C12orf71: variants seen among roughly 807,000 people sequenced by gnomAD.
C12orf71 encodes uncharacterized protein C12orf71.
A neutral mutation model predicts 11.7 loss-of-function variants in C12orf71; 10 were observed. That is an observed-to-expected ratio of 0.86 (90% CI 0.53 to 1.45). The LOEUF is 1.45. C12orf71 is among the 40% of genes most tolerant of loss of function. C12orf71 has a pLI of 0.00. For missense variants in C12orf71, 293 were observed against 325.8 expected, an observed-to-expected ratio of 0.90 and a Z score of 0.78; for synonymous variants, 110 against 123.4, an observed-to-expected ratio of 0.89 and a Z score of 0.72.
chr12:27,082,187 A>G lies in C12orf71; in HGVS notation c.297T>C (p.Asp99=), dbSNP rs761211082. ...FLAWDVDIGS[D]NTDSRANRLL... ...GCCTATTAGCTCTTGAGTCTGTGTT[A>G]TCGGAGCCAATGTCCACGTCCCAGG... The change falls in exon 1 of 2, where the codon GAT becomes GAC. Residue 99 remains aspartate (D), a synonymous_variant. Coordinates refer to ENST00000429849, the MANE Select transcript of C12orf71 (RefSeq NM_001080406.2). The G allele has an allele frequency of 3.1e-6, 5 of 1,613,874 alleles. No homozygotes were observed. Among genetic ancestry groups the G allele is most frequent in the Middle Eastern group, 1.6e-4 (1 of 6,084 alleles).
rs545735885 is a variant in C12orf71 at position 27,081,105 on chromosome 12, T to A, written c.*69A>T. On this transcript the variant is annotated 3_prime_UTR_variant, in exon 2 of 2. Transcript: ENST00000429849. Reference sequence around the variant, plus strand: ...TTTGTTTATTGAGGAAAAAACAAACTGATGGGGATTATTAATGGAATCCTT... The same window carrying A: ...TTTGTTTATTGAGGAAAAAACAAACAGATGGGGATTATTAATGGAATCCTT... 1 of 1,236,474 alleles carries A rather than the reference T, an allele frequency of 8.1e-7. No homozygotes were observed. Among genetic ancestry groups the A allele is most frequent in the Non-Finnish European group, 1.1e-6 (1 of 883,156 alleles). 76.6% of individuals were successfully genotyped at this position (1,236,474 alleles called of 1,614,324 possible).
chr12:27,083,653 A>T (rs1941955001), upstream of C12orf71, among the ~76,000 whole-genome samples: 1 of 152,212 alleles, frequency 6.6e-6, no homozygotes, highest in South Asian at 2.1e-4. Flanking sequence ...GCCTACAACA[A>T]ACATATATAT....
Position 27,081,322 on chromosome 12 carries a change from C to T in C12orf71, c.662G>A (p.Arg221Lys), listed in dbSNP as rs765524396. The T allele has an allele frequency of 1.2e-6, 2 of 1,613,978 alleles. No individual in the cohort carries two copies. Among genetic ancestry groups the T allele is most frequent in the South Asian group, 2.2e-5 (2 of 91,078 alleles). ...LNFGWAFSWLRQRILPSLLRR... is the reference protein window; with the variant it reads ...LNFGWAFSWLKQRILPSLLRR... ...CAGCAGAGAGGGGAGGATACGCTGC[C>T]TCAGCCAGCTGAAGGCCCACCCAAA... Residue 221 changes from arginine (R) to lysine (K), a missense_variant, in exon 2 of 2, where the codon AGG becomes AAG. Transcript: ENST00000429849.
upstream of C12orf71, among the ~76,000 whole-genome samples, chr12:27,084,098 T>G (rs1941958760): frequency 6.6e-6 from 1 of 152,220 alleles, no homozygotes; most frequent in Non-Finnish European, 1.5e-5. Flanking sequence ...CGAGTCTCCG[T>G]GGCTAAAAGT....
chr12:27,082,579 T>G, upstream of C12orf71: 1 of 936,882 alleles, frequency 1.1e-6, no homozygotes, highest in Non-Finnish European at 1.5e-6. Flanking sequence ...TCATAGTACT[T>G]AAGCAAAAAC....
chr12:27,081,266 T>C lies in C12orf71; in HGVS notation c.718A>G (p.Ser240Gly). Residue 240 changes from serine (S) to glycine (G), a missense_variant, in exon 2 of 2, where the codon AGT (serine) becomes GGT (glycine). Physicochemically the swap from Ser to Gly is moderately conservative, Grantham distance 56. Transcript: ENST00000429849. ...RRDHPVNATK[S>G]PHRSAPTKRL... ...TTCGTTGGTGCTGACCGATGGGGAC[T>C]TTTGGTGGCATTCACAGGGTGATCC... is the stretch of plus-strand genomic sequence containing the variant. 1.2e-6 allele frequency: 2 copies of C among 1,613,978 alleles called. No homozygotes were observed. The highest frequency in any genetic ancestry group is 1.7e-6 in the Non-Finnish European group (2 of 1,179,836).
Position 27,081,268 on chromosome 12 carries a change from T to C in C12orf71, c.716A>G (p.Lys239Arg), listed in dbSNP as rs1941929635. 9 of 1,613,908 alleles carry C rather than the reference T, an allele frequency of 5.6e-6. No individual in the cohort carries two copies. The highest frequency in any genetic ancestry group is 1.7e-5 in the Admixed American group (1 of 60,002). The change falls in exon 2 of 2, where the codon AAA (lysine) becomes AGA (arginine). Residue 239 changes from lysine (K) to arginine (R), a missense_variant. Physicochemically the swap from Lys to Arg is conservative, Grantham distance 26 (BLOSUM62 2). Coordinates refer to ENST00000429849, the MANE Select transcript of C12orf71 (RefSeq NM_001080406.2). Reference protein sequence around the residue: ...LRRDHPVNATKSPHRSAPTKR... With the variant: ...LRRDHPVNATRSPHRSAPTKR... Reference sequence around the variant, plus strand: ...CGTTGGTGCTGACCGATGGGGACTTTTGGTGGCATTCACAGGGTGATCCCT... The same window carrying C: ...CGTTGGTGCTGACCGATGGGGACTTCTGGTGGCATTCACAGGGTGATCCCT...
At chr12:27,081,534 C>T in intron 1 of C12orf71, 67 bp from the exon 2 acceptor site, 1 of 1,493,186 alleles carries the variant, frequency 6.7e-7, no homozygotes, top group Non-Finnish European at 9.1e-7. Context: ...AACGTTTACT[C>T]ATTTGTGGAA....
At chr12:27,083,985 C>T (rs1232714442), upstream of C12orf71, among the ~76,000 whole-genome samples, 1 of 152,196 alleles carries the variant, frequency 6.6e-6, no homozygotes, top group African/African-American at 2.4e-5. Context: ...CACACACACA[C>T]AAACAAAAGA....
chr12:27,082,569 T>C lies in C12orf71; in HGVS notation c.-86A>G. On this transcript the variant is annotated 5_prime_UTR_variant, in exon 1 of 2. Coordinates refer to ENST00000429849, the MANE Select transcript of C12orf71 (RefSeq NM_001080406.2). ...ATAGGTGGGACTAAGGAGAAGAGAG[T>C]CATAGTACTTAAGCAAAAACATTAT... The C allele has an allele frequency of 1.3e-5, 13 of 963,630 alleles. No homozygotes were observed. The highest frequency in any genetic ancestry group is 1.7e-5 in the Non-Finnish European group (12 of 693,258). 59.7% of individuals were successfully genotyped at this position (963,630 alleles called of 1,614,324 possible).
At chr12:27,082,705 G>A (rs1941948050), upstream of C12orf71, among the ~76,000 whole-genome samples, 1 of 151,408 alleles carries the variant, frequency 6.6e-6, no homozygotes, top group Non-Finnish European at 1.5e-5. Context: ...AGCCTCCCGA[G>A]TAGCTGGGAC....
At position 27,082,547 on chromosome 12, in the gene C12orf71, G is replaced by A; in HGVS notation, c.-64C>T. The A allele has an allele frequency of 1.5e-6, 2 of 1,323,522 alleles. No individual in the cohort carries two copies. Among genetic ancestry groups the A allele is most frequent in the Non-Finnish European group, 2.0e-6 (2 of 997,050 alleles). 82.0% of individuals were successfully genotyped at this position (1,323,522 alleles called of 1,614,324 possible). ...TTCAAAAAAGAAAAAAGAAAAAATA[G>A]GTGGGACTAAGGAGAAGAGAGTCAT... On this transcript the variant is annotated 5_prime_UTR_variant, in exon 1 of 2. Coordinates refer to ENST00000429849, the MANE Select transcript of C12orf71 (RefSeq NM_001080406.2).
upstream of C12orf71, among the ~76,000 whole-genome samples, chr12:27,084,115 G>A (rs1252155154): frequency 1.3e-5 from 2 of 152,198 alleles, no homozygotes; most frequent in East Asian, 1.9e-4. Flanking sequence ...AAGTCCAGCT[G>A]TCAGAAGTCT....
chr12:27,082,031 T>TA lies in C12orf71; in HGVS notation c.452dup (p.Phe152IlefsTer3). ...AATCTTGCTGAGCAGTTTCAGGAAA[T>TA]ACAGCGTCATCATCTTTCAGATTTT... On this transcript the variant is annotated frameshift_variant, in exon 1 of 2. Transcript: ENST00000429849. LOFTEE classifies it high-confidence loss of function. 1 of 1,594,558 alleles carries TA rather than the reference T, an allele frequency of 6.3e-7. No individual in the cohort carries two copies. Among genetic ancestry groups the TA allele is most frequent in the East Asian group, 2.2e-5 (1 of 44,446 alleles).
In C12orf71 at chr12:27,081,431, C is replaced by A. The variant is rs77584722; in HGVS notation, c.553G>T (p.Ala185Ser). ...GACAGGATTGAGGAGATCTCTGGAG[C>A]GCTTGTCCTTTGGCTGGCGGTTGCC... ...SQATASQRTS[A>S]PEISSILSEQ... Residue 185 changes from alanine to serine, a missense_variant, in exon 2 of 2, where the codon GCT becomes TCT. Ala to Ser is a moderately conservative substitution (Grantham distance 99). Transcript: ENST00000429849. 6.2e-7 allele frequency: 1 copy of A among 1,612,454 alleles called. No individual in the cohort carries two copies. Among genetic ancestry groups the A allele is most frequent in the African/African-American group, 1.3e-5 (1 of 74,996 alleles).
In C12orf71 at chr12:27,081,163, T is replaced by A; in HGVS notation, c.*11A>T. 6.4e-7 allele frequency: 1 copy of A among 1,568,898 alleles called. No individual in the cohort carries two copies. Among genetic ancestry groups the A allele is most frequent in the Non-Finnish European group, 8.7e-7 (1 of 1,155,214 alleles). The stretch of plus-strand genomic sequence containing the variant: ...ATTATTTTAAACTTTCCAAAAAGTT[T>A]AAAAATCTGTCTATATGGGATGTCC... On this transcript the variant is annotated 3_prime_UTR_variant, in exon 2 of 2. Coordinates refer to ENST00000429849, the MANE Select transcript of C12orf71 (RefSeq NM_001080406.2).
upstream of C12orf71, among the ~76,000 whole-genome samples, chr12:27,083,708 A>G (rs1941955443): frequency 6.6e-6 from 1 of 152,214 alleles, no homozygotes. Context: ...TGCTAAATAA[A>G]TCTGTAATAA....
chr12:27,081,560 C>G lies in C12orf71; in HGVS notation c.517-93G>C, dbSNP rs1591804947. The G allele has an allele frequency of 2.4e-6, 3 of 1,269,506 alleles. No individual in the cohort carries two copies. In the East Asian group the frequency reaches 7.0e-5, roughly 30 times the overall value. The allele number at this position is 1,269,506 out of a possible 1,614,324, so 78.6% of individuals were successfully genotyped here. A position where few individuals can be genotyped will look rare whatever the true frequency, so the allele number is the denominator to read the frequency against. ...ATTTGTGGAACTCACATCCTTTTAC[C>G]AAAAATAGCCCAAGTGTCAATGCAG... On this transcript the variant is annotated intron_variant, in intron 1 of 1. Transcript: ENST00000429849.
Position 27,081,413 on chromosome 12 carries a change from T to A in C12orf71, c.571A>T (p.Ile191Phe), listed in dbSNP as rs1446618551. Residue 191 changes from isoleucine (I) to phenylalanine (F), a missense_variant, in exon 2 of 2, where the codon ATC becomes TTC. Coordinates refer to ENST00000429849, the MANE Select transcript of C12orf71 (RefSeq NM_001080406.2). ...TCCTTCTCTGGCTGCTCTGACAGGA[T>A]TGAGGAGATCTCTGGAGCGCTTGTC... is the stretch of plus-strand genomic sequence containing the variant. ...QRTSAPEISS[I>F]LSEQPEKDDT... 3 of 1,613,838 alleles carry A rather than the reference T, an allele frequency of 1.9e-6. No homozygotes were observed. The highest frequency in any genetic ancestry group is 1.7e-5 in the Admixed American group (1 of 60,002).
Sources: allele counts gnomAD v4.1 joint callset (sites outside exome capture counted in the v4.1 genomes callset), GRCh38; gene constraint gnomAD v4.1.1; transcripts MANE v1.5; gene names NCBI Gene and HGNC (gene_info 2026-07-23, HGNC 2026-07-21).